Variants in CASQ2 observed in about 807,000 individuals in gnomAD.
CASQ2 encodes the protein calsequestrin-2.
In CASQ2, 49 loss-of-function variants were observed where a neutral mutation model predicts 46.5. The observed-to-expected ratio is 1.05, with a 90% CI of 0.84 to 1.34. CASQ2 has a LOEUF of 1.34. Ranked by LOEUF, CASQ2 falls within the 40% of genes most tolerant of loss-of-function variation. The probability of loss-of-function intolerance (pLI) is 0.00; values close to 1 mark genes in which losing one functional copy is unlikely to be tolerated. For missense variants in CASQ2, 486 were observed against 481.3 expected, an observed-to-expected ratio of 1.01 and a Z score of -0.09; for synonymous variants, 174 against 168.5, an observed-to-expected ratio of 1.03 and a Z score of -0.25.
chr1:115,737,956 G>C (rs917191991), intron 4 of CASQ2, among the ~76,000 whole-genome samples: 20 of 152,220 alleles, frequency 1.3e-4, no homozygotes, highest in Admixed American at 5.9e-4. Flanking sequence ...AGGAAAAGTG[G>C]AGAAGAGCTT....
intron 8 of CASQ2, among the ~76,000 whole-genome samples, chr1:115,710,234 G>A (rs1473178300): frequency 6.6e-6 from 1 of 152,110 alleles, no homozygotes; most frequent in Non-Finnish European, 1.5e-5. Flanking sequence ...ACACTTACTG[G>A]GTACTGAGTA....
chr1:115,744,826 AC>A lies in CASQ2; in HGVS notation c.319+1del. The A allele has an allele frequency of 6.2e-7, 1 of 1,606,822 alleles. No homozygotes were observed. The highest frequency in any genetic ancestry group is 8.5e-7 in the Non-Finnish European group (1 of 1,173,440). ...ATACAGTATCTCAAAAATCACACTT[AC>A]CCAGTTTCTTGGCAAGCTTGGCTTC... On this transcript the variant is annotated splice_donor_variant, in intron 2 of 10. Coordinates refer to ENST00000261448, the MANE Select transcript of CASQ2 (RefSeq NM_001232.4). LOFTEE classifies it high-confidence loss of function.
chr1:115,742,153 A>G (rs1485173601), intron 2 of CASQ2, among the ~76,000 whole-genome samples: 3 of 152,072 alleles, frequency 2.0e-5, no homozygotes, highest in African/African-American at 7.2e-5. Context: ...CTGAGACTAC[A>G]GGCATGTGCT....
At chr1:115,750,599 C>G (rs1169399892) in intron 1 of CASQ2, among the ~76,000 whole-genome samples, 1 of 152,190 alleles carries the variant, frequency 6.6e-6, no homozygotes, top group Admixed American at 6.5e-5. Context: ...GCCTTGACCT[C>G]CCAGGTTCAA....
chr1:115,740,166 C>T (rs930072382), intron 3 of CASQ2, among the ~76,000 whole-genome samples: 3 of 152,180 alleles, frequency 2.0e-5, no homozygotes, highest in African/African-American at 7.2e-5. Flanking sequence ...AACTTCACAG[C>T]GGTTACTGCA....
At chr1:115,736,129 C>G (rs568272412) in intron 4 of CASQ2, among the ~76,000 whole-genome samples, 50 of 148,808 alleles carry the variant, frequency 3.4e-4, no homozygotes, top group Non-Finnish European at 6.7e-4. Flanking sequence ...CACCATTGCA[C>G]TCCAGCCTGG....
chr1:115,724,715 A>G (rs889975712), intron 7 of CASQ2, among the ~76,000 whole-genome samples: 3 of 152,162 alleles, frequency 2.0e-5, no homozygotes, highest in East Asian at 1.9e-4. Context: ...TTCAGTTGAT[A>G]TTTTTAAAAA....
chr1:115,725,626 C>T, intron 6 of CASQ2, 73 bp from the exon 7 acceptor site: 3 of 1,542,666 alleles, frequency 1.9e-6, no homozygotes, highest in Non-Finnish European at 2.6e-6. Context: ...ACACAGCAGC[C>T]ACAGCATTAT....
intron 2 of CASQ2, among the ~76,000 whole-genome samples, chr1:115,743,827 G>T (rs921498498): frequency 6.6e-6 from 1 of 151,772 alleles, no homozygotes; most frequent in Non-Finnish European, 1.5e-5. Context: ...CAGTACATGT[G>T]TGTCAGTGTT....
intron 4 of CASQ2, among the ~76,000 whole-genome samples, chr1:115,735,306 C>G (rs993665462): frequency 6.6e-6 from 1 of 152,182 alleles, no homozygotes; most frequent in African/African-American, 2.4e-5. Context: ...TCTCCCTGCT[C>G]TTTCATCCTA....
At chr1:115,745,525 A>G (rs889546685) in intron 1 of CASQ2, among the ~76,000 whole-genome samples, 4 of 152,104 alleles carry the variant, frequency 2.6e-5, no homozygotes, top group Non-Finnish European at 2.9e-5. Context: ...TCCTAGATGG[A>G]CAGATAGCTG....
chr1:115,715,008 T>G (rs553548246), intron 8 of CASQ2, among the ~76,000 whole-genome samples: 112 of 152,350 alleles, frequency 7.4e-4, no homozygotes, highest in African/African-American at 2.4e-3. Context: ...GGCCTCTTTG[T>G]TCTATTGTTC....
intron 3 of CASQ2, among the ~76,000 whole-genome samples, chr1:115,740,298 T>A (rs1053033843): frequency 1.3e-5 from 2 of 152,206 alleles, no homozygotes; most frequent in Non-Finnish European, 2.9e-5. Flanking sequence ...GGGGGCTGTT[T>A]AGCTCTGTCA....
intron 2 of CASQ2, among the ~76,000 whole-genome samples, chr1:115,743,762 C>T (rs894349137): frequency 6.8e-5 from 5 of 73,494 alleles, no homozygotes; most frequent in South Asian, 9.3e-4. Context: ...TTTTATAACC[C>T]GCTATTTTTT....
In CASQ2 at chr1:115,717,895, CT is replaced by C; in HGVS notation, c.784-2del. On this transcript the variant is annotated splice_acceptor_variant, in intron 7 of 10. Coordinates refer to ENST00000261448, the MANE Select transcript of CASQ2 (RefSeq NM_001232.4). LOFTEE classifies it high-confidence loss of function. ...TGTGGATCCCATTCAAATCATCTTCCTGTATGAGAAAAGTAACAAAAGTTAC... is the reference window on the plus strand; with the variant it reads ...TGTGGATCCCATTCAAATCATCTTCCGTATGAGAAAAGTAACAAAAGTTAC... 6.2e-7 allele frequency: 1 copy of C among 1,607,096 alleles called. No homozygotes were observed. Among genetic ancestry groups the C allele is most frequent in the Non-Finnish European group, 8.5e-7 (1 of 1,173,602 alleles).
intron 10 of CASQ2, among the ~76,000 whole-genome samples, chr1:115,701,933 T>C (rs1292185123): frequency 6.6e-6 from 1 of 151,052 alleles, no homozygotes; most frequent in Non-Finnish European, 1.5e-5. Context: ...TTTTTTATTT[T>C]TTTTTTGAGA....
chr1:115,735,332 G>T (rs376931421), intron 4 of CASQ2, among the ~76,000 whole-genome samples: 1 of 152,116 alleles, frequency 6.6e-6, no homozygotes, highest in Admixed American at 6.5e-5. Flanking sequence ...GGTTAACTGC[G>T]CAAGAATTTT....
chr1:115,711,097 G>T (rs1234926972), intron 8 of CASQ2, among the ~76,000 whole-genome samples: 1 of 152,180 alleles, frequency 6.6e-6, no homozygotes, highest in Non-Finnish European at 1.5e-5. Context: ...GCCCTGCCCT[G>T]CTATCTGTCC....
At chr1:115,726,840 T>C in intron 6 of CASQ2, 152 bp downstream of exon 6, 1 of 662,648 alleles carries the variant, frequency 1.5e-6, no homozygotes, top group African/African-American at 1.8e-5. Context: ...CTGCTAGTCA[T>C]TACTGATCAA....
Sources: gnomAD v4.1 joint callset for allele counts (sites outside exome capture counted in the v4.1 genomes callset) on GRCh38, gnomAD v4.1.1 for gene constraint, MANE v1.5 for transcripts, NCBI Gene and HGNC (gene_info 2026-07-23, HGNC 2026-07-21) for gene names.